Variants in GAPVD1 observed in about 807,000 individuals in gnomAD.
The protein encoded by GAPVD1 is GTPase-activating protein and VPS9 domain-containing protein 1.
In GAPVD1, 35 loss-of-function variants were observed where a neutral mutation model predicts 155.5. That is an observed-to-expected ratio of 0.23 (90% CI 0.17 to 0.30). The LOEUF is 0.30. Among genes scored for constraint, GAPVD1 ranks in the 10% least tolerant of loss-of-function variants. The pLI is 1.00. For synonymous variants in GAPVD1, 636 were observed against 619.7 expected (o/e 1.03, Z -0.39); for missense variants, 1,429 against 1,775.7 (o/e 0.80, Z 3.51).
rs1377491891 is a variant in GAPVD1, at chr9:125,349,462, A to G, written c.3242A>G (p.Asp1081Gly). Residue 1081 changes from aspartate (D) to glycine (G), a missense_variant, in exon 21 of 28, where the codon GAT becomes GGT. Coordinates refer to ENST00000297933, the MANE Select transcript of GAPVD1 (RefSeq NM_001282680.3). ...GCACTGCAGAACATCTCGGCTGATG[A>G]TCTCCCAGACTCTGCAAGCCAAGCA... ...DEALQNISADDLPDSASQAAH... is the reference protein window; with the variant it reads ...DEALQNISADGLPDSASQAAH... 6 of 1,613,474 alleles carry G rather than the reference A, an allele frequency of 3.7e-6. No individual in the cohort carries two copies. Among genetic ancestry groups the G allele is most frequent in the Middle Eastern group, 1.6e-4 (1 of 6,062 alleles).
intron 11 of GAPVD1, among the ~76,000 whole-genome samples, chr9:125,325,115 C>T (rs1373110376): frequency 6.6e-6 from 1 of 151,994 alleles, no homozygotes; most frequent in Non-Finnish European, 1.5e-5. Flanking sequence ...ATCCCAGCTA[C>T]TCAGAAGGCT....
At chr9:125,289,016 A>G (rs1157452756) in intron 2 of GAPVD1, among the ~76,000 whole-genome samples, 2 of 152,206 alleles carry the variant, frequency 1.3e-5, no homozygotes, top group Non-Finnish European at 2.9e-5. Flanking sequence ...GTACTAAGGT[A>G]GAAGTGTGTC....
At chr9:125,324,033 C>A in intron 11 of GAPVD1, 110 bp downstream of exon 11, 1 of 846,272 alleles carries the variant, frequency 1.2e-6, no homozygotes. Context: ...ATTAAATCAC[C>A]ATTAAACTTA....
rs1201740130 is a variant in GAPVD1 at position 125,362,738 on chromosome 9, C to A, written c.4375C>A (p.Arg1459=). ...AVEFIKTIDD[R]K The stretch of plus-strand genomic sequence containing the variant: ...AGAATTCATTAAAACCATCGATGAC[C>A]GAAAGTGACCAAGACCAAGGCCCAC... Residue 1459 remains arginine, a synonymous_variant, in exon 28 of 28, where the codon CGA becomes AGA. Coordinates refer to ENST00000297933, the MANE Select transcript of GAPVD1 (RefSeq NM_001282680.3). 3 of 1,612,896 alleles carry A rather than the reference C, an allele frequency of 1.9e-6. No individual in the cohort carries two copies. The highest frequency in any genetic ancestry group is 2.2e-5 in the East Asian group (1 of 44,858).
intron 14 of GAPVD1, 70 bp downstream of exon 14, chr9:125,332,130 G>A (rs1846182575): frequency 2.2e-6 from 3 of 1,392,992 alleles, no homozygotes; most frequent in Non-Finnish European, 2.0e-6. Flanking sequence ...TATTTATAAA[G>A]TTGATACAAA....
chr9:125,357,195 G>A (rs1005593917), intron 25 of GAPVD1, among the ~76,000 whole-genome samples: 1 of 152,102 alleles, frequency 6.6e-6, no homozygotes, highest in African/African-American at 2.4e-5. Context: ...TTCCCTCTGC[G>A]AGACCAGGAA....
intron 23 of GAPVD1, among the ~76,000 whole-genome samples, chr9:125,352,674 G>T (rs1265047931): frequency 6.6e-6 from 1 of 152,212 alleles, no homozygotes; most frequent in Non-Finnish European, 1.5e-5. Flanking sequence ...CCATTGTCTT[G>T]GGAATTAATA....
chr9:125,290,526 A>G (rs1298430271), intron 2 of GAPVD1, among the ~76,000 whole-genome samples: 2 of 152,144 alleles, frequency 1.3e-5, no homozygotes, highest in East Asian at 3.8e-4. Flanking sequence ...TCATTGCTTC[A>G]TTTTTCTCAA....
At chr9:125,329,941 C>G in intron 12 of GAPVD1, 137 bp from the exon 13 acceptor site, 1 of 596,086 alleles carries the variant, frequency 1.7e-6, no homozygotes, top group South Asian at 2.3e-5. Context: ...CTCAGCCTCC[C>G]AAAGTGCTGG....
Position 125,300,041 on chromosome 9 carries a change from ATATATATATATATATATATAT to A in GAPVD1, c.185+936_185+956del, listed in dbSNP as rs1840591721. On this transcript the variant is annotated intron_variant, in intron 4 of 27. Transcript: ENST00000297933. ...CTCAAAAGAAAAAAAAAAAAAAAAT[ATATATATATATATATATATAT>A]ATATATATATATATATATATATATA... 1.3e-3 allele frequency among the ~76,000 whole-genome samples: 17 copies of A among 13,542 alleles called. 5 individuals carry two copies. Among genetic ancestry groups the A allele is most frequent in the African/African-American group, 4.1e-3 (13 of 3,142 alleles). The allele number at this position is 13,542 out of a possible 152,430, so 8.9% of individuals were successfully genotyped here. A position where few individuals can be genotyped will look rare whatever the true frequency, so the allele number is the denominator to read the frequency against.
In GAPVD1 at chr9:125,342,265, T is replaced by C. The variant is rs1564439012; in HGVS notation, c.3012T>C (p.Asp1004=). 1.2e-6 allele frequency: 2 copies of C among 1,601,726 alleles called. No individual in the cohort carries two copies. The highest frequency in any genetic ancestry group is 1.7e-6 in the Non-Finnish European group (2 of 1,168,742). Residue 1004 remains aspartate (D), a synonymous_variant, in exon 19 of 28, where the codon GAT becomes GAC. Coordinates refer to ENST00000297933, the MANE Select transcript of GAPVD1 (RefSeq NM_001282680.3). ...AAGAAAAACAAGAAAAAGACAAAGA[T>C]GATCTGGGGCCTGACAGATTCTCAA... is the stretch of plus-strand genomic sequence containing the variant. ...RKKEKQEKDK[D]DLGPDRFSTL...
chr9:125,293,685 ATTATATATTTATATTAAATATATAT>A (rs1175947952), intron 2 of GAPVD1, among the ~76,000 whole-genome samples: 2 of 129,716 alleles, frequency 1.5e-5, no homozygotes, highest in Middle Eastern at 3.8e-3. Context: ...AAATATATAT[ATTATATATTTATATTAAATATATAT>A]TTTTATATTT....
At chr9:125,312,190 C>A (rs748532523) in intron 8 of GAPVD1, among the ~76,000 whole-genome samples, 7 of 152,188 alleles carry the variant, frequency 4.6e-5, no homozygotes, top group Non-Finnish European at 1.0e-4. Context: ...CAGATGTGAT[C>A]ATCTGTGTGG....
rs779014805 is a variant in GAPVD1 at position 125,305,072 on chromosome 9, C to G, written c.1039C>G (p.Leu347Val). Reference protein sequence around the residue: ...ARFNLMQVGRLLQQLAMTGSE... With the variant: ...ARFNLMQVGRVLQQLAMTGSE... The stretch of plus-strand genomic sequence containing the variant: ...CTGCTTTGGGTTGCAGGTAGGCCGC[C>G]TTTTGCAGCAGTTAGCAATGACTGG... The change falls in exon 6 of 28, where the codon CTT becomes GTT. Residue 347 changes from leucine (L) to valine (V), a missense_variant. Leu to Val is a conservative substitution (Grantham distance 32, BLOSUM62 1). Coordinates refer to ENST00000297933, the MANE Select transcript of GAPVD1 (RefSeq NM_001282680.3). The G allele has an allele frequency of 1.2e-6, 2 of 1,613,594 alleles. No individual in the cohort carries two copies. The highest frequency in any genetic ancestry group is 8.5e-7 in the Non-Finnish European group (1 of 1,179,556).
At chr9:125,312,683 A>G in intron 9 of GAPVD1, 71 bp downstream of exon 9, 1 of 1,144,046 alleles carries the variant, frequency 8.7e-7, no homozygotes. Flanking sequence ...ACAAAACACC[A>G]GAGGTTGGGT....
intron 1 of GAPVD1, among the ~76,000 whole-genome samples, chr9:125,266,124 A>G (rs866242309): frequency 1.7e-5 from 2 of 116,074 alleles, no homozygotes; most frequent in Non-Finnish European, 3.5e-5. Context: ...GATGATATCT[A>G]TAATTTTTTT....
intron 2 of GAPVD1, among the ~76,000 whole-genome samples, chr9:125,291,317 CAT>C (rs533796073): frequency 7.2e-4 from 109 of 152,186 alleles, no homozygotes; most frequent in African/African-American, 2.6e-3. Context: ...CTAGCGTTGT[CAT>C]GTGTGTGTGT....
rs1840978262 is a variant in GAPVD1 at position 125,302,013 on chromosome 9, A to G, written c.216A>G (p.Gln72=). 12 of 1,597,416 alleles carry G rather than the reference A, an allele frequency of 7.5e-6. No individual in the cohort carries two copies. The highest frequency in any genetic ancestry group is 1.1e-5 in the South Asian group (1 of 87,644). ...SAEASPAECC[Q]HAKILEDTQF... ...AAGCTTCCCCTGCTGAATGTTGCCA[A>G]CATGCCAAAATTTTGGAAGATACAC... Residue 72 remains glutamine, a synonymous_variant, in exon 5 of 28, where the codon CAA becomes CAG. Coordinates refer to ENST00000297933, the MANE Select transcript of GAPVD1 (RefSeq NM_001282680.3).
chr9:125,349,464 C>G lies in GAPVD1; in HGVS notation c.3244C>G (p.Leu1082Val). The G allele has an allele frequency of 1.2e-6, 2 of 1,613,896 alleles. No individual in the cohort carries two copies. Among genetic ancestry groups the G allele is most frequent in the Non-Finnish European group, 1.7e-6 (2 of 1,179,820 alleles). Residue 1082 changes from leucine (L) to valine (V), a missense_variant, in exon 21 of 28, where the codon CTC (leucine) becomes GTC (valine). Physicochemically the swap from Leu to Val is conservative, Grantham distance 32 (BLOSUM62 1). Transcript: ENST00000297933. ...EALQNISADDLPDSASQAAHP... is the reference protein window; with the variant it reads ...EALQNISADDVPDSASQAAHP... Reference sequence around the variant, plus strand: ...ACTGCAGAACATCTCGGCTGATGATCTCCCAGACTCTGCAAGCCAAGCAGC... The same window carrying G: ...ACTGCAGAACATCTCGGCTGATGATGTCCCAGACTCTGCAAGCCAAGCAGC...
Sources: gnomAD v4.1 joint callset for allele counts (sites outside exome capture counted in the v4.1 genomes callset) on GRCh38, gnomAD v4.1.1 for gene constraint, MANE v1.5 for transcripts, NCBI Gene and HGNC (gene_info 2026-07-23, HGNC 2026-07-21) for gene names.